HMGCLL1: variants seen among roughly 807,000 people sequenced by gnomAD.
The protein encoded by HMGCLL1 is 3-hydroxymethyl-3-methylglutaryl-CoA lyase, cytoplasmic.
Under a neutral mutation model 39.1 loss-of-function variants are expected in HMGCLL1, and 36 were observed. That is an observed-to-expected ratio of 0.92 (90% confidence interval 0.71 to 1.22). The LOEUF is 1.22. HMGCLL1 is among the 50% of genes most tolerant of loss of function. HMGCLL1 has a pLI of 0.00. For synonymous variants in HMGCLL1, 149 were observed against 144.0 expected (o/e 1.03, Z -0.25); for missense variants, 451 against 416.5 (o/e 1.08, Z -0.72).
chr6:55,658,693 A>G, the HMGCLL1 span, among the ~76,000 whole-genome samples: 1 of 152,000 alleles, frequency 6.6e-6, no homozygotes, highest in Non-Finnish European at 1.5e-5. Context: ...TCTTTATTCA[A>G]CAAATACTTT....
chr6:55,553,068 G>A (rs1260172281), intron 1 of HMGCLL1, among the ~76,000 whole-genome samples: 11 of 149,768 alleles, frequency 7.3e-5, no homozygotes, highest in South Asian at 6.3e-4. Context: ...ACTTGAATCC[G>A]GGAGGAGAAG....
At chr6:55,446,843 GGT>G (rs911297329) in intron 7 of HMGCLL1, among the ~76,000 whole-genome samples, 1 of 151,518 alleles carries the variant, frequency 6.6e-6, no homozygotes, top group African/African-American at 2.4e-5. Context: ...TAGTTATTGA[GGT>G]TACTAAAGTC....
intron 1 of HMGCLL1, among the ~76,000 whole-genome samples, chr6:55,567,642 A>G (rs759020255): frequency 9.9e-5 from 15 of 152,200 alleles, no homozygotes; most frequent in Admixed American, 3.9e-4. Context: ...AGAAATTAAC[A>G]TGATCTAAAT....
At chr6:55,442,204 C>T (rs1016567741) in intron 7 of HMGCLL1, among the ~76,000 whole-genome samples, 3 of 152,022 alleles carry the variant, frequency 2.0e-5, no homozygotes, top group Admixed American at 1.3e-4. Flanking sequence ...CTGTATTGTA[C>T]GTTTTGGAAA....
At chr6:55,640,567 A>G in the HMGCLL1 span, among the ~76,000 whole-genome samples, 1 of 151,922 alleles carries the variant, frequency 6.6e-6, no homozygotes, top group South Asian at 2.1e-4. Flanking sequence ...TTGTGTTATC[A>G]CTAGCACTAT....
chr6:55,643,285 G>A, the HMGCLL1 span, among the ~76,000 whole-genome samples: 16 of 151,838 alleles, frequency 1.1e-4, no homozygotes, highest in East Asian at 9.7e-4. Context: ...CCTTTTCTCC[G>A]CAACCTTGTC....
chr6:55,480,954 C>T (rs1267078059), intron 7 of HMGCLL1, among the ~76,000 whole-genome samples: 1 of 151,746 alleles, frequency 6.6e-6, no homozygotes, highest in Non-Finnish European at 1.5e-5. Context: ...TCATAGAGAT[C>T]GTAGAACAAT....
intron 3 of HMGCLL1, among the ~76,000 whole-genome samples, chr6:55,522,435 C>T (rs925270101): frequency 6.6e-6 from 1 of 151,936 alleles, no homozygotes; most frequent in African/African-American, 2.4e-5. Context: ...GTAAAGTTTA[C>T]TCAGTTCCAA....
chr6:55,622,102 A>T, the HMGCLL1 span, among the ~76,000 whole-genome samples: 1 of 152,022 alleles, frequency 6.6e-6, no homozygotes, highest in Middle Eastern at 3.2e-3. Flanking sequence ...TAGAAATGCT[A>T]CTGATTTTTG....
At chr6:55,677,544 G>A in the HMGCLL1 span, among the ~76,000 whole-genome samples, 1 of 152,024 alleles carries the variant, frequency 6.6e-6, no homozygotes. Context: ...TAGTATTTTG[G>A]AACAAATTTC....
chr6:55,583,941 C>A (rs1223548637), upstream of HMGCLL1, among the ~76,000 whole-genome samples: 3 of 152,068 alleles, frequency 2.0e-5, no homozygotes, highest in Non-Finnish European at 4.4e-5. Context: ...ACCACAGAAC[C>A]AGGTGACCTT....
intron 8 of HMGCLL1, among the ~76,000 whole-genome samples, chr6:55,436,252 C>G (rs1245767190): frequency 6.6e-6 from 1 of 151,812 alleles, no homozygotes; most frequent in Non-Finnish European, 1.5e-5. Flanking sequence ...ATTTTTTAAA[C>G]CAAGGCCAGA....
chr6:55,653,275 A>G, the HMGCLL1 span, among the ~76,000 whole-genome samples: 2 of 152,074 alleles, frequency 1.3e-5, no homozygotes, highest in African/African-American at 4.8e-5. Context: ...TGTATCCAGT[A>G]ATCTTCCTGT....
the HMGCLL1 span, among the ~76,000 whole-genome samples, chr6:55,601,419 G>A: frequency 6.6e-6 from 1 of 152,100 alleles, no homozygotes; most frequent in Admixed American, 6.6e-5. Context: ...ATAGCAGCTA[G>A]GAAGTTTTCA....
At chr6:55,630,872 C>G in the HMGCLL1 span, among the ~76,000 whole-genome samples, 2 of 152,216 alleles carry the variant, frequency 1.3e-5, no homozygotes, top group East Asian at 3.9e-4. Context: ...AAACCTCTTT[C>G]TTTTGTAAAT....
rs1383197537 is a variant in HMGCLL1, at chr6:55,543,499, T to TATATATC, written c.109-1366_109-1360dup. On this transcript the variant is annotated intron_variant, in intron 1 of 8. Transcript: ENST00000274901. ...TATAATATATATATGATATATATCA[T>TATATATC]ATATATCATATATAATATATATATT... Among the ~76,000 whole-genome samples the TATATATC allele has an allele frequency of 1.1e-3, 17 of 14,800 alleles. 1 individual carries two copies. Among genetic ancestry groups the TATATATC allele is most frequent in the African/African-American group, 3.1e-3 (17 of 5,524 alleles). The allele number at this position is 14,800 out of a possible 152,430, so 9.7% of individuals were successfully genotyped here.
At chr6:55,610,574 G>A in the HMGCLL1 span, among the ~76,000 whole-genome samples, 2 of 152,132 alleles carry the variant, frequency 1.3e-5, no homozygotes, top group Non-Finnish European at 2.9e-5. Context: ...GCACTTGAAA[G>A]AGATGAGGAG....
intron 1 of HMGCLL1, among the ~76,000 whole-genome samples, chr6:55,551,023 C>T (rs965223518): frequency 4.8e-5 from 7 of 145,186 alleles, no homozygotes; most frequent in African/African-American, 1.8e-4. Flanking sequence ...CTAGTCTATA[C>T]ATCTTAGCCA....
intron 1 of HMGCLL1, among the ~76,000 whole-genome samples, chr6:55,544,643 A>G (rs1215591090): frequency 1.3e-5 from 2 of 152,178 alleles, no homozygotes; most frequent in Non-Finnish European, 2.9e-5. Flanking sequence ...TCTGTGGAAC[A>G]AAAAATATTC....
Sources: allele counts gnomAD v4.1 joint callset (sites outside exome capture counted in the v4.1 genomes callset), GRCh38; gene constraint gnomAD v4.1.1; transcripts MANE v1.5; gene names NCBI Gene and HGNC (gene_info 2026-07-23, HGNC 2026-07-21).